The following DNTTIP2 variants were observed in gnomAD, a reference collection of about 807,000 sequenced individuals.
The protein encoded by DNTTIP2 is deoxynucleotidyltransferase terminal-interacting protein 2.
In DNTTIP2, 47 loss-of-function variants were observed where a neutral mutation model predicts 62.4. The ratio of observed to expected loss-of-function variants is 0.75; its 90% CI spans 0.60 to 0.96. The LOEUF is 0.96. Among genes scored for constraint, DNTTIP2 ranks in the 40% least tolerant of loss-of-function variants. DNTTIP2 has a pLI of 0.00. For synonymous variants in DNTTIP2, 322 were observed against 300.9 expected, an observed-to-expected ratio of 1.07 and a Z score of -0.73; for missense variants, 870 against 849.1, an observed-to-expected ratio of 1.02 and a Z score of -0.31.
At position 93,879,124 on chromosome 1, in the gene DNTTIP2, C is replaced by A. The variant is rs1045627042; in HGVS notation, c.25G>T (p.Ala9Ser). MVVTRSARAKASIQAASAE... is the reference protein window; with the variant it reads MVVTRSARSKASIQAASAE... ...GACGCGGCTTGGATGCTGGCCTTAG[C>A]CCGTGCAGATCTGGTAACCACCATC... The change falls in exon 1 of 7, where the codon GCT (alanine) becomes TCT (serine). Residue 9 changes from alanine to serine, a missense_variant. Physicochemically the swap from Ala to Ser is moderately conservative, Grantham distance 99. Coordinates refer to ENST00000436063, the MANE Select transcript of DNTTIP2 (RefSeq NM_014597.5). 5.6e-6 allele frequency: 9 copies of A among 1,613,478 alleles called. No homozygotes were observed. The African/African-American group carries it at 1.1e-4, about 19-fold the overall frequency.
In DNTTIP2 at chr1:93,875,705, T is replaced by A; in HGVS notation, c.1746A>T (p.Ala582=). Residue 582 remains alanine (A), a synonymous_variant, in exon 3 of 7, where the codon GCA becomes GCT. Coordinates refer to ENST00000436063, the MANE Select transcript of DNTTIP2 (RefSeq NM_014597.5). Reference sequence around the variant, plus strand: ...TTCTCTTGTTAGACTGTAGTTTATCTGCATTAAAATTAATATACAAACCAC... The same window carrying A: ...TTCTCTTGTTAGACTGTAGTTTATCAGCATTAAAATTAATATACAAACCAC... ...QLGGLYINFN[A]DKLQSNKRTL... The A allele has an allele frequency of 6.2e-7, 1 of 1,613,598 alleles. No individual in the cohort carries two copies. Among genetic ancestry groups the A allele is most frequent in the East Asian group, 2.2e-5 (1 of 44,836 alleles).
At position 93,875,630 on chromosome 1, in the gene DNTTIP2, G is replaced by A; in HGVS notation, c.1806+15C>T. 6.2e-7 allele frequency: 1 copy of A among 1,603,334 alleles called. No homozygotes were observed. Among genetic ancestry groups the A allele is most frequent in the Non-Finnish European group, 8.5e-7 (1 of 1,176,960 alleles). ...TGGTTAGTTCTGTGAAAACCTAACA[G>A]CACAATTAACTTACCTCATTTTTCT... On this transcript the variant is annotated intron_variant, in intron 3 of 6. Coordinates refer to ENST00000436063, the MANE Select transcript of DNTTIP2 (RefSeq NM_014597.5).
At chr1:93,873,485 C>A in intron 3 of DNTTIP2, 1 of 289,424 alleles carries the variant, frequency 3.5e-6, no homozygotes, top group Non-Finnish European at 6.5e-6. Context: ...ACCTGTAGTC[C>A]CAGCTACTCA....
Position 93,868,592 on chromosome 1 carries a change from C to T in DNTTIP2, c.*1259G>A, listed in dbSNP as rs545247544. The T allele has an allele frequency of 2.6e-5, 4 of 152,280 alleles. No individual in the cohort carries two copies. The highest frequency in any genetic ancestry group is 2.6e-4 in the Admixed American group (4 of 15,298). 9.4% of individuals were successfully genotyped at this position (152,280 alleles called of 1,614,324 possible). On this transcript the variant is annotated 3_prime_UTR_variant, in exon 7 of 7. Coordinates refer to ENST00000436063, the MANE Select transcript of DNTTIP2 (RefSeq NM_014597.5). The stretch of plus-strand genomic sequence containing the variant: ...GTTCACAATAGAAAAGACTTGGAAC[C>T]AACCCAAATGCCCATGAATGATAGA...
chr1:93,868,274 T>C lies in DNTTIP2; in HGVS notation c.*1577A>G, dbSNP rs892395964. ...TCATTATCACTGCTCATTAGAGAAA[T>C]GCAAATCAAAACCACAATGAGATAC... On this transcript the variant is annotated 3_prime_UTR_variant, in exon 7 of 7. Coordinates refer to ENST00000436063, the MANE Select transcript of DNTTIP2 (RefSeq NM_014597.5). The C allele has an allele frequency of 4.6e-5, 7 of 152,160 alleles. No homozygotes were observed. The highest frequency in any genetic ancestry group is 2.0e-4 in the Admixed American group (3 of 15,288). 9.4% of individuals were successfully genotyped at this position (152,160 alleles called of 1,614,324 possible).
chr1:93,872,884 A>G (rs1024978746), intron 4 of DNTTIP2, among the ~76,000 whole-genome samples: 2 of 151,602 alleles, frequency 1.3e-5, no homozygotes, highest in Non-Finnish European at 2.9e-5. Context: ...ATATATATAT[A>G]TATTTTTTTA....
At chr1:93,875,932 T>C in intron 2 of DNTTIP2, 149 bp from the exon 3 acceptor site, 1 of 809,874 alleles carries the variant, frequency 1.2e-6, no homozygotes, top group South Asian at 1.8e-5. Flanking sequence ...GAGGAATTCC[T>C]GAAAAAAAAC....
In DNTTIP2 at chr1:93,876,775, T is replaced by G. The variant is rs929918908; in HGVS notation, c.1160A>C (p.Asp387Ala). The G allele has an allele frequency of 1.6e-5, 26 of 1,613,866 alleles. No homozygotes were observed. Among genetic ancestry groups the G allele is most frequent in the Non-Finnish European group, 2.1e-5 (25 of 1,179,870 alleles). Reference protein sequence around the residue: ...NNKKSPIKASDLTKFGDCGGS... With the variant: ...NNKKSPIKASALTKFGDCGGS... ...ACCACAATCACCAAACTTTGTCAAG[T>G]CACTTGCTTTTATGGGGCTCTTTTT... Residue 387 changes from aspartate (D) to alanine (A), a missense_variant, in exon 2 of 7, where the codon GAC (aspartate) becomes GCC (alanine). Physicochemically the swap from Asp to Ala is moderately radical, Grantham distance 126 (BLOSUM62 -2). Transcript: ENST00000436063.
Position 93,876,317 on chromosome 1 carries a change from C to T in DNTTIP2, c.1618G>A (p.Asp540Asn). ...AAGTCTTCTTCATCACTAAACTCAT[C>T]TTCATTTTCGTCATGGTCTGATGAA... is the stretch of plus-strand genomic sequence containing the variant. ...EDSSDHDENE[D>N]EFSDEEDFLN... Residue 540 changes from aspartate to asparagine, a missense_variant, in exon 2 of 7, where the codon GAT (aspartate) becomes AAT (asparagine). Asp to Asn is a conservative substitution (Grantham distance 23). Transcript: ENST00000436063. 5 of 1,551,658 alleles carry T rather than the reference C, an allele frequency of 3.2e-6. No individual in the cohort carries two copies. Among genetic ancestry groups the T allele is most frequent in the Non-Finnish European group, 4.4e-6 (5 of 1,147,094 alleles).
chr1:93,874,581 G>A (rs1192288204), intron 3 of DNTTIP2, among the ~76,000 whole-genome samples: 1 of 152,176 alleles, frequency 6.6e-6, no homozygotes, highest in Admixed American at 6.5e-5. Flanking sequence ...CAAGAATAGA[G>A]CAGATGACAG....
At position 93,870,673 on chromosome 1, in the gene DNTTIP2, A is replaced by T. The variant is rs767526290; in HGVS notation, c.2177+10T>A. 2.1e-6 allele frequency: 3 copies of T among 1,453,270 alleles called. No individual in the cohort carries two copies. The highest frequency in any genetic ancestry group is 2.8e-6 in the Non-Finnish European group (3 of 1,079,522). 90.0% of individuals were successfully genotyped at this position (1,453,270 alleles called of 1,614,324 possible). On this transcript the variant is annotated intron_variant, in intron 6 of 6. Transcript: ENST00000436063. The stretch of plus-strand genomic sequence containing the variant: ...TATACATATTATAAAATAAATATGA[A>T]TTCCTTTACCTTCTGAATTCAGAAT...
intron 1 of DNTTIP2, 71 bp from the exon 2 acceptor site, chr1:93,877,933 C>A: frequency 6.7e-7 from 1 of 1,484,996 alleles, no homozygotes; most frequent in Non-Finnish European, 8.9e-7. Flanking sequence ...GAAATACTGA[C>A]CCCAAAAGCT....
At position 93,879,194 on chromosome 1, in the gene DNTTIP2, G is replaced by A; in HGVS notation, c.-46C>T. The A allele has an allele frequency of 1.9e-6, 3 of 1,601,102 alleles. No homozygotes were observed. Among genetic ancestry groups the A allele is most frequent in the Non-Finnish European group, 1.7e-6 (2 of 1,176,272 alleles). On this transcript the variant is annotated 5_prime_UTR_variant, in exon 1 of 7. Transcript: ENST00000436063. Reference sequence around the variant, plus strand: ...CACCACGACTTCCCTCTTCCCTGGCGCTCCGGAAATGCGTCAGAGAACTGC... The same window carrying A: ...CACCACGACTTCCCTCTTCCCTGGCACTCCGGAAATGCGTCAGAGAACTGC...
chr1:93,876,232 G>C, intron 2 of DNTTIP2, 36 bp downstream of exon 2: 1 of 1,440,950 alleles, frequency 6.9e-7, no homozygotes, highest in Non-Finnish European at 9.1e-7. Flanking sequence ...TGAAATACAT[G>C]TATCAAAAAC....
chr1:93,874,667 G>A (rs753066176), intron 3 of DNTTIP2, among the ~76,000 whole-genome samples: 1 of 152,088 alleles, frequency 6.6e-6, no homozygotes, highest in Non-Finnish European at 1.5e-5. Context: ...TGTTTTTTGG[G>A]GCAGGGAGGA....
Position 93,879,114 on chromosome 1 carries a change from C to G in DNTTIP2, c.35G>C (p.Ser12Thr), listed in dbSNP as rs1656091853. Residue 12 changes from serine (S) to threonine (T), a missense_variant, in exon 1 of 7, where the codon AGC (serine) becomes ACC (threonine). By Grantham distance (58) the Ser-to-Thr change is moderately conservative. Transcript: ENST00000436063. ...VVTRSARAKA[S>T]IQAASAESSG... ...ACTTTCAGCCGACGCGGCTTGGATGCTGGCCTTAGCCCGTGCAGATCTGGT... is the reference window on the plus strand; with the variant it reads ...ACTTTCAGCCGACGCGGCTTGGATGGTGGCCTTAGCCCGTGCAGATCTGGT... The G allele has an allele frequency of 6.2e-7, 1 of 1,613,580 alleles. No individual in the cohort carries two copies. Among genetic ancestry groups the G allele is most frequent in the African/African-American group, 1.3e-5 (1 of 74,956 alleles).
intron 2 of DNTTIP2, 95 bp downstream of exon 2, chr1:93,876,173 T>C (rs1328686258): frequency 5.3e-6 from 5 of 935,974 alleles, no homozygotes; most frequent in Non-Finnish European, 6.8e-6. Context: ...GCAGTGATTT[T>C]CTCATTCCCC....
chr1:93,866,678 C>A lies in DNTTIP2; in HGVS notation c.*3173G>T, dbSNP rs1285385432. ...CCTTTTGTGACATCTAGTTATGGGA[C>A]CCAAAAAAGACATTTTCCCAGGTTT... On this transcript the variant is annotated 3_prime_UTR_variant, in exon 7 of 7. Transcript: ENST00000436063. The A allele has an allele frequency of 6.6e-6, 1 of 152,104 alleles. No homozygotes were observed. The highest frequency in any genetic ancestry group is 1.5e-5 in the Non-Finnish European group (1 of 68,066). The allele number at this position is 152,104 out of a possible 1,614,324, so 9.4% of individuals were successfully genotyped here. A position where few individuals can be genotyped will look rare whatever the true frequency, so the allele number is the denominator to read the frequency against.
At chr1:93,875,852 T>A (rs1381808194) in intron 2 of DNTTIP2, 69 bp from the exon 3 acceptor site, 6 of 1,475,652 alleles carry the variant, frequency 4.1e-6, no homozygotes, top group Non-Finnish European at 3.6e-6. Context: ...GATGGCATTT[T>A]AAAAAATCAC....
Sources: gnomAD v4.1 joint callset for allele counts (sites outside exome capture counted in the v4.1 genomes callset) on GRCh38, gnomAD v4.1.1 for gene constraint, MANE v1.5 for transcripts, NCBI Gene and HGNC (gene_info 2026-07-23, HGNC 2026-07-21) for gene names.